Variants in DENND2D observed in about 807,000 individuals in gnomAD.
DENND2D encodes the protein DENN domain containing 2D.
A neutral mutation model predicts 59.8 loss-of-function variants in DENND2D; 37 were observed. The ratio of observed to expected loss-of-function variants is 0.62; its 90% CI spans 0.48 to 0.81. The LOEUF is 0.81. DENND2D is among the 40% of genes least tolerant of loss of function. The probability of loss-of-function intolerance (pLI) is 0.00; values close to 1 mark genes in which losing one functional copy is unlikely to be tolerated. For missense variants in DENND2D, 525 were observed against 579.7 expected (o/e 0.91, Z 0.97); for synonymous variants, 219 against 211.3 (o/e 1.04, Z -0.31).
At chr1:111,190,016 C>T (rs988306793) in intron 8 of DENND2D, among the ~76,000 whole-genome samples, 23 of 151,902 alleles carry the variant, frequency 1.5e-4, no homozygotes, top group African/African-American at 2.7e-4. Flanking sequence ...CGCAAAAAAT[C>T]AGCCGGGTGT....
At chr1:111,197,078 T>C (rs1236294318) in intron 5 of DENND2D, 98 bp downstream of exon 5, 2 of 1,350,070 alleles carry the variant, frequency 1.5e-6, no homozygotes, top group Admixed American at 2.0e-5. Flanking sequence ...ACTCTGGCTA[T>C]GGGAGAAGAG....
At chr1:111,204,450 G>A (rs946958888), upstream of DENND2D, 102 of 1,229,784 alleles carry the variant, frequency 8.3e-5, no homozygotes, top group Middle Eastern at 2.4e-4. Context: ...TTTCACGCGG[G>A]GGGAGGCCTA....
Position 111,200,494 on chromosome 1 carries a change from C to T in DENND2D, c.-35G>A. On this transcript the variant is annotated 5_prime_UTR_variant, in exon 1 of 12. Transcript: ENST00000357640. Reference sequence around the variant, plus strand: ...TTCAGGACAGAGCGGACTCCCCTCTCCCCTAACACAGACAGACTGGTGACA... The same window carrying T: ...TTCAGGACAGAGCGGACTCCCCTCTTCCCTAACACAGACAGACTGGTGACA... 6.3e-7 allele frequency: 1 copy of T among 1,585,890 alleles called. No homozygotes were observed. The highest frequency in any genetic ancestry group is 8.6e-7 in the Non-Finnish European group (1 of 1,165,800).
chr1:111,186,418 A>G lies in DENND2D; in HGVS notation c.*1187T>C, dbSNP rs1246488938. On this transcript the variant is annotated 3_prime_UTR_variant, in exon 12 of 12. Coordinates refer to ENST00000357640, the MANE Select transcript of DENND2D (RefSeq NM_024901.5). ...CTCTGCACTCCCAAAAGCAAATTAC[A>G]TTGGCTTGAACTTCAGTATGCCCGG... Among the ~76,000 whole-genome samples the G allele has an allele frequency of 6.6e-6, 1 of 152,182 alleles. No homozygotes were observed. Among genetic ancestry groups the G allele is most frequent in the African/African-American group, 2.4e-5 (1 of 41,434 alleles).
chr1:111,196,085 G>A (rs201335642), intron 5 of DENND2D, 29 bp from the exon 6 acceptor site: 13 of 1,580,340 alleles, frequency 8.2e-6, no homozygotes, highest in South Asian at 4.7e-5. Context: ...CGGGAGGCAC[G>A]GCTCAAAGGG....
At chr1:111,204,173 C>A, upstream of DENND2D, 1 of 1,136,476 alleles carries the variant, frequency 8.8e-7, no homozygotes, top group Non-Finnish European at 1.2e-6. Context: ...CCTGAGTCCC[C>A]TTCCAACTGC....
chr1:111,189,499 A>G (rs1571173193), intron 8 of DENND2D, among the ~76,000 whole-genome samples: 1 of 152,344 alleles, frequency 6.6e-6, no homozygotes, highest in East Asian at 1.9e-4. Flanking sequence ...GAGCTAAGGT[A>G]GAAGGGAAAT....
rs377640509 is a variant in DENND2D, at chr1:111,199,698, G to A, written c.168C>T (p.Tyr56=). The A allele has an allele frequency of 4.3e-6, 7 of 1,614,032 alleles. No homozygotes were observed. In the African/African-American group the frequency reaches 6.7e-5, roughly 15 times the overall value. The change falls in exon 2 of 12, where the codon TAC becomes TAT. Residue 56 remains tyrosine, a synonymous_variant. Coordinates refer to ENST00000357640, the MANE Select transcript of DENND2D (RefSeq NM_024901.5). ...NFAGGQHFFE[Y]LLVVSLKKKR... Reference sequence around the variant, plus strand: ...TCTTTTTGAGAGAAACCACAAGAAGGTATTCAAAGAAGTGCTGCCCCCCAG... The same window carrying A: ...TCTTTTTGAGAGAAACCACAAGAAGATATTCAAAGAAGTGCTGCCCCCCAG...
At chr1:111,204,254 T>G, upstream of DENND2D, 1 of 1,452,358 alleles carries the variant, frequency 6.9e-7, no homozygotes, top group South Asian at 1.4e-5. Context: ...GGCTCCCCGG[T>G]GCCCACGCCG....
At position 111,186,383 on chromosome 1, in the gene DENND2D, T is replaced by G. The variant is rs534366597; in HGVS notation, c.*1222A>C. 2.9e-4 allele frequency among the ~76,000 whole-genome samples: 44 copies of G among 152,370 alleles called. No homozygotes were observed. Among genetic ancestry groups the G allele is most frequent in the African/African-American group, 1.1e-3 (44 of 41,598 alleles). On this transcript the variant is annotated 3_prime_UTR_variant, in exon 12 of 12. Transcript: ENST00000357640. ...TGTGGACAGTGGGACATCTGCCACC[T>G]GCAGTAGGTCTCTGCACTCCCAAAA... is the stretch of plus-strand genomic sequence containing the variant.
At chr1:111,191,114 G>A (rs1175633848) in intron 8 of DENND2D, among the ~76,000 whole-genome samples, 1 of 152,148 alleles carries the variant, frequency 6.6e-6, no homozygotes, top group African/African-American at 2.4e-5. Flanking sequence ...ACATTTAAAT[G>A]TTTATTGCTA....
In DENND2D at chr1:111,198,658, C is replaced by T. The variant is rs983086971; in HGVS notation, c.328G>A (p.Glu110Lys). 2 of 1,614,208 alleles carry T rather than the reference C, an allele frequency of 1.2e-6. No homozygotes were observed. Among genetic ancestry groups the T allele is most frequent in the African/African-American group, 2.7e-5 (2 of 75,060 alleles). ...GGATACTCGGTGAGTGATGCCCACT[C>T]ATTCCCATCTGGGAAGCAGAACAAG... ...IPLFCFPDGN[E>K]WASLTEYPRE... The change falls in exon 3 of 12, where the codon GAG becomes AAG. Residue 110 changes from glutamate to lysine, a missense_variant. Physicochemically the swap from Glu to Lys is moderately conservative, Grantham distance 56. Coordinates refer to ENST00000357640, the MANE Select transcript of DENND2D (RefSeq NM_024901.5).
At chr1:111,204,436 T>G (rs561348919), upstream of DENND2D, 527 of 1,280,660 alleles carry the variant, frequency 4.1e-4, 4 homozygotes, top group South Asian at 9.8e-3. Flanking sequence ...TCCGACACTT[T>G]CACTTTCACG....
At chr1:111,204,198 GC>G, upstream of DENND2D, 1 of 1,262,674 alleles carries the variant, frequency 7.9e-7, no homozygotes, top group Non-Finnish European at 1.0e-6. Context: ...GGATCTCGAC[GC>G]CCCGTGCCGC....
chr1:111,193,522 A>G (rs1021804858), intron 7 of DENND2D, among the ~76,000 whole-genome samples: 1 of 152,176 alleles, frequency 6.6e-6, no homozygotes, highest in African/African-American at 2.4e-5. Context: ...ACCTACAACT[A>G]GTTCCTCTTT....
chr1:111,188,726 C>T lies in DENND2D; in HGVS notation c.1075G>A (p.Gly359Ser), dbSNP rs764216158. ...KLQDDILDSL[G>S]QGINELKTAE... ...CTCTTTAACTCATTGATCCCCTGAC[C>T]AAGAGAGTCTAAGATGTCATCCTGA... Residue 359 changes from glycine to serine, a missense_variant, in exon 10 of 12, where the codon GGT becomes AGT. Physicochemically the swap from Gly to Ser is moderately conservative, Grantham distance 56. Transcript: ENST00000357640. 1.9e-6 allele frequency: 3 copies of T among 1,614,010 alleles called. No individual in the cohort carries two copies. The South Asian group carries it at 3.3e-5, about 18-fold the overall frequency.
upstream of DENND2D, chr1:111,204,099 C>T (rs1571210398): frequency 2.3e-6 from 1 of 427,396 alleles, no homozygotes; most frequent in Non-Finnish European, 3.9e-6. Context: ...GCCGTCCCCG[C>T]CCCCACCTGA....
Position 111,188,148 on chromosome 1 carries a change from C to T in DENND2D, c.1322G>A (p.Ser441Asn). Reference protein sequence around the residue: ...FSLFIQEAEKSKNPPAGYFQQ... With the variant: ...FSLFIQEAEKNKNPPAGYFQQ... ...TACTGTACCTGCAGGAGGATTCTTG[C>T]TCTTCTCGGCTTCCTGGATGAAAAG... Residue 441 changes from serine (S) to asparagine (N), a missense_variant, in exon 11 of 12, where the codon AGC becomes AAC. Ser to Asn is a conservative substitution (Grantham distance 46). This residue lies in a region of DENND2D where 225 missense variants were observed against 252.4 expected (regional missense o/e 0.89). Transcript: ENST00000357640. 1.2e-6 allele frequency: 2 copies of T among 1,614,202 alleles called. No individual in the cohort carries two copies. Among genetic ancestry groups the T allele is most frequent in the Non-Finnish European group, 1.7e-6 (2 of 1,180,038 alleles).
In DENND2D at chr1:111,200,425, AGCCTGAACACCCG is replaced by A; in HGVS notation, c.22_34del (p.Arg8SerfsTer22). ...GAGTTGAAGCAGTCGGCGTTGGAAG[AGCCTGAACACCCG>A]GCCTACCACTTGTCCTTCCATCTCT... On this transcript the variant is annotated frameshift_variant, in exon 1 of 12. Transcript: ENST00000357640. LOFTEE classifies it high-confidence loss of function. The A allele has an allele frequency of 6.2e-7, 1 of 1,612,524 alleles. No individual in the cohort carries two copies. Among genetic ancestry groups the A allele is most frequent in the Non-Finnish European group, 8.5e-7 (1 of 1,179,260 alleles).
Sources: gnomAD v4.1 joint callset for allele counts (sites outside exome capture counted in the v4.1 genomes callset) on GRCh38, gnomAD v4.1.1 for gene constraint, gnomAD v4.1.1 regional missense constraint, MANE v1.5 for transcripts, NCBI Gene and HGNC (gene_info 2026-07-23, HGNC 2026-07-21) for gene names.